Variants in DEPDC4 observed in about 807,000 individuals in gnomAD.
DEPDC4 encodes the protein DEP domain containing 4.
Under a neutral mutation model 52.0 loss-of-function variants are expected in DEPDC4, and 52 were observed. That is an observed-to-expected ratio of 1.00 (90% CI 0.80 to 1.26). The LOEUF is 1.26. Ranked by LOEUF, DEPDC4 falls within the 50% of genes most tolerant of loss-of-function variation. The probability of loss-of-function intolerance (pLI) is 0.00; values close to 1 mark genes in which losing one functional copy is unlikely to be tolerated. For synonymous variants in DEPDC4, 201 were observed against 196.8 expected (o/e 1.02, Z -0.18); for missense variants, 530 against 546.9 (o/e 0.97, Z 0.31).
intron 3 of DEPDC4, 150 bp from the exon 4 acceptor site, chr12:100,256,376 A>G (rs2096232638): frequency 1.9e-6 from 1 of 523,210 alleles, no homozygotes. Context: ...TAGATAATTT[A>G]CATTTGTTAT....
At position 100,240,942 on chromosome 12, in the gene DEPDC4, A is replaced by G. The variant is rs1407065718; in HGVS notation, c.*950T>C. Reference sequence around the variant, plus strand: ...GTGGCAGGTACCTATAATCCCAGCTACTCGGGAGGCTGAGGCAGGGAGAAT... The same window carrying G: ...GTGGCAGGTACCTATAATCCCAGCTGCTCGGGAGGCTGAGGCAGGGAGAAT... On this transcript the variant is annotated 3_prime_UTR_variant, in exon 10 of 10. Coordinates refer to ENST00000550587, the MANE Select transcript of DEPDC4 (RefSeq NM_001364818.2). 6.6e-6 allele frequency among the ~76,000 whole-genome samples: 1 copy of G among 152,060 alleles called. No homozygotes were observed. Among genetic ancestry groups the G allele is most frequent in the Non-Finnish European group, 1.5e-5 (1 of 67,998 alleles).
chr12:100,261,407 T>C (rs950466090), intron 3 of DEPDC4, among the ~76,000 whole-genome samples: 1 of 152,212 alleles, frequency 6.6e-6, no homozygotes, highest in Non-Finnish European at 1.5e-5. Context: ...CTGCCCTGGC[T>C]ATGGTGCTCT....
intron 2 of DEPDC4, among the ~76,000 whole-genome samples, chr12:100,263,210 T>A (rs2096259848): frequency 6.6e-6 from 1 of 152,166 alleles, no homozygotes; most frequent in Non-Finnish European, 1.5e-5. Context: ...GATCTGTCCG[T>A]CTTGCCTCAG....
At chr12:100,248,206 T>A (rs1592878643) in intron 8 of DEPDC4, among the ~76,000 whole-genome samples, 2 of 152,100 alleles carry the variant, frequency 1.3e-5, no homozygotes, top group African/African-American at 4.8e-5. Flanking sequence ...TAATATCCTA[T>A]TAATAGCATA....
chr12:100,240,702 T>G lies in DEPDC4; in HGVS notation c.*1190A>C, dbSNP rs2096155081. Among the ~76,000 whole-genome samples the G allele has an allele frequency of 6.6e-6, 1 of 152,006 alleles. No individual in the cohort carries two copies. The highest frequency in any genetic ancestry group is 1.5e-5 in the Non-Finnish European group (1 of 67,998). ...CATAAAATATGGACTGAAGAAGAAT[T>G]AGAGAGAGAAATCACAGTTTTGATG... On this transcript the variant is annotated 3_prime_UTR_variant, in exon 10 of 10. Coordinates refer to ENST00000550587, the MANE Select transcript of DEPDC4 (RefSeq NM_001364818.2).
intron 3 of DEPDC4, among the ~76,000 whole-genome samples, chr12:100,260,408 A>C (rs1199321549): frequency 2.0e-5 from 3 of 151,368 alleles, no homozygotes; most frequent in African/African-American, 7.3e-5. Flanking sequence ...GGCGTGAGCC[A>C]CCGTGCCCTG....
In DEPDC4 at chr12:100,241,784, A is replaced by G; in HGVS notation, c.*108T>C. On this transcript the variant is annotated 3_prime_UTR_variant, in exon 10 of 10. Transcript: ENST00000550587. ...CAAGAGCCAACTGGTGTAGATACTGAATTGTCCTTCCCTTCTGCTTTTCAA... is the reference window on the plus strand; with the variant it reads ...CAAGAGCCAACTGGTGTAGATACTGGATTGTCCTTCCCTTCTGCTTTTCAA... The G allele has an allele frequency of 7.9e-7, 1 of 1,269,928 alleles. No individual in the cohort carries two copies. Among genetic ancestry groups the G allele is most frequent in the Non-Finnish European group, 1.0e-6 (1 of 979,354 alleles). 78.7% of individuals were successfully genotyped at this position (1,269,928 alleles called of 1,614,324 possible). A position where few individuals can be genotyped will look rare whatever the true frequency, so the allele number is the denominator to read the frequency against.
chr12:100,244,883 A>AT (rs889201018), intron 8 of DEPDC4, among the ~76,000 whole-genome samples: 340 of 150,402 alleles, frequency 2.3e-3, no homozygotes, highest in African/African-American at 8.0e-3. Flanking sequence ...TATTTTATTT[A>AT]TTTTTTGAGA....
chr12:100,246,991 C>G lies in DEPDC4; in HGVS notation c.1453+1909G>C, dbSNP rs371396977. On this transcript the variant is annotated intron_variant, in intron 8 of 9. Transcript: ENST00000550587. The stretch of plus-strand genomic sequence containing the variant: ...TTCAAGTAAGTTACAGAGAAAAAAG[C>G]ATACAACACAAAGCATGGAGGCAAT... Among the ~76,000 whole-genome samples the G allele has an allele frequency of 2.0e-5, 3 of 151,820 alleles. No individual in the cohort carries two copies. The East Asian group carries it at 5.8e-4, about 29-fold the overall frequency.
At chr12:100,270,620 TTTC>T (rs201371977), upstream of DEPDC4, among the ~76,000 whole-genome samples, 40 of 141,510 alleles carry the variant, frequency 2.8e-4, no homozygotes, top group African/African-American at 7.8e-4. Flanking sequence ...TTCATGTTGC[TTTC>T]TTTTTTTTTT....
chr12:100,255,401 A>G (rs923660596), intron 4 of DEPDC4, among the ~76,000 whole-genome samples: 11 of 152,316 alleles, frequency 7.2e-5, no homozygotes, highest in African/African-American at 2.4e-4. Flanking sequence ...ACCTCTTCAC[A>G]AGATCTGAAG....
chr12:100,252,414 C>A lies in DEPDC4; in HGVS notation c.1228G>T (p.Ala410Ser), dbSNP rs191012590. 3.6e-4 allele frequency: 566 copies of A among 1,582,052 alleles called. 1 individual carries two copies. The African/African-American group carries it at 7.0e-3, about 20-fold the overall frequency. ...TTCACCTGTTTTTGCAACTTGTAGG[C>A]ATTGGGCTCTGATGCCATTGCCATA... Reference protein sequence around the residue: ...TFMAMASEPNAYKLQKQYDNK... With the variant: ...TFMAMASEPNSYKLQKQYDNK... The change falls in exon 6 of 10, where the codon GCC (alanine) becomes TCC (serine). Residue 410 changes from alanine to serine, a missense_variant. Ala to Ser is a moderately conservative substitution (Grantham distance 99). Coordinates refer to ENST00000550587, the MANE Select transcript of DEPDC4 (RefSeq NM_001364818.2).
At chr12:100,256,286 A>G in intron 3 of DEPDC4, 60 bp from the exon 4 acceptor site, 1 of 1,239,376 alleles carries the variant, frequency 8.1e-7, no homozygotes, top group Non-Finnish European at 1.1e-6. Context: ...ACATTCAACC[A>G]ATATTATAAA....
intron 8 of DEPDC4, among the ~76,000 whole-genome samples, chr12:100,244,385 G>A (rs1379990186): frequency 6.6e-6 from 1 of 151,382 alleles, no homozygotes; most frequent in Non-Finnish European, 1.5e-5. Flanking sequence ...GTTTCACTGT[G>A]TTAGCCAGGA....
chr12:100,248,630 A>G (rs1261835791), intron 8 of DEPDC4, among the ~76,000 whole-genome samples: 16 of 152,318 alleles, frequency 1.1e-4, no homozygotes, highest in Non-Finnish European at 2.1e-4. Flanking sequence ...AGAAGCAGGC[A>G]TGTGGGTGAT....
At chr12:100,256,631 GTTTT>G (rs920213526) in intron 3 of DEPDC4, among the ~76,000 whole-genome samples, 13 of 146,862 alleles carry the variant, frequency 8.9e-5, no homozygotes, top group African/African-American at 3.0e-4. Context: ...TTGTTTGTTT[GTTTT>G]GTGTTTTTTG....
At chr12:100,248,100 C>T (rs2096193433) in intron 8 of DEPDC4, among the ~76,000 whole-genome samples, 2 of 152,098 alleles carry the variant, frequency 1.3e-5, no homozygotes, top group South Asian at 2.1e-4. Flanking sequence ...CAGTTTCTGA[C>T]ACATAGTAGG....
upstream of DEPDC4, chr12:100,267,133 A>G: frequency 1.3e-6 from 2 of 1,575,168 alleles, no homozygotes; most frequent in Non-Finnish European, 1.7e-6. Context: ...GCCTCTTCCG[A>G]ACCGGCAGGA....
the DEPDC4 span, among the ~76,000 whole-genome samples, chr12:100,281,560 G>A: frequency 6.6e-6 from 1 of 152,024 alleles, no homozygotes; most frequent in African/African-American, 2.4e-5. Context: ...TAGGCTGGGC[G>A]CTTTGGCTCA....
Sources: allele counts gnomAD v4.1 joint callset (sites outside exome capture counted in the v4.1 genomes callset), GRCh38; gene constraint gnomAD v4.1.1; transcripts MANE v1.5; gene names NCBI Gene and HGNC (gene_info 2026-07-23, HGNC 2026-07-21).